The following BNC2 variants were observed in gnomAD, a reference collection of about 807,000 sequenced individuals.
BNC2 encodes basonuclin zinc finger protein 2.
A neutral mutation model predicts 76.3 loss-of-function variants in BNC2; 20 were observed. That is an observed-to-expected ratio of 0.26 (90% CI 0.18 to 0.38). BNC2 has a LOEUF of 0.38. BNC2 is among the 10% of genes least tolerant of loss of function. The pLI is 1.00. For synonymous variants in BNC2, 582 were observed against 514.8 expected, an observed-to-expected ratio of 1.13 and a Z score of -1.77; for missense variants, 1,382 against 1,399.8, an observed-to-expected ratio of 0.99 and a Z score of 0.20.
intron 3 of BNC2, among the ~76,000 whole-genome samples, chr9:16,612,579 C>G (rs1236213575): frequency 6.6e-6 from 1 of 152,146 alleles, no homozygotes; most frequent in African/African-American, 2.4e-5. Context: ...AAATATTTAT[C>G]AAATACCTAC....
chr9:16,508,567 C>T (rs148507944), intron 5 of BNC2, among the ~76,000 whole-genome samples: 1 of 152,314 alleles, frequency 6.6e-6, no homozygotes, highest in East Asian at 1.9e-4. Context: ...AATTTCTTCA[C>T]ACCTGAATTT....
intron 3 of BNC2, among the ~76,000 whole-genome samples, chr9:16,705,802 A>G (rs1291541995): frequency 6.6e-6 from 1 of 152,242 alleles, no homozygotes; most frequent in Non-Finnish European, 1.5e-5. Context: ...TTTAAGTGAC[A>G]TTCAATTTAG....
intron 1 of BNC2, among the ~76,000 whole-genome samples, chr9:16,825,043 T>TG (rs1818420795): frequency 3.9e-4 from 25 of 64,782 alleles, no homozygotes; most frequent in African/African-American, 1.1e-3. Context: ...TTCTTACCCC[T>TG]CTTTTTTTTT....
At chr9:16,656,402 G>A (rs754414675) in intron 3 of BNC2, among the ~76,000 whole-genome samples, 6 of 152,072 alleles carry the variant, frequency 3.9e-5, no homozygotes, top group Non-Finnish European at 8.8e-5. Flanking sequence ...TTCGGGGGTG[G>A]GGAGAGACAG....
chr9:16,788,352 G>A (rs924436080), intron 1 of BNC2, among the ~76,000 whole-genome samples: 1 of 151,636 alleles, frequency 6.6e-6, no homozygotes, highest in African/African-American at 2.4e-5. Context: ...AGGAGATCGA[G>A]ACCATCCTGG....
At chr9:16,726,002 G>GCACA (rs3083820) in intron 3 of BNC2, among the ~76,000 whole-genome samples, 30 of 151,256 alleles carry the variant, frequency 2.0e-4, no homozygotes, top group Middle Eastern at 3.4e-3. Flanking sequence ...ACACACACAC[G>GCACA]CACACACACA....
At chr9:16,768,628 A>G (rs866117536) in intron 1 of BNC2, among the ~76,000 whole-genome samples, 1 of 152,138 alleles carries the variant, frequency 6.6e-6, no homozygotes, top group Non-Finnish European at 1.5e-5. Flanking sequence ...GTGGAATCCA[A>G]CCTAACTCAG....
At chr9:16,474,466 T>C (rs777463917) in intron 5 of BNC2, among the ~76,000 whole-genome samples, 2 of 152,162 alleles carry the variant, frequency 1.3e-5, no homozygotes, top group South Asian at 2.1e-4. Context: ...CTTTCTTTTG[T>C]TTTGTAATTG....
At chr9:16,561,623 G>C (rs1819018937) in intron 4 of BNC2, among the ~76,000 whole-genome samples, 1 of 152,104 alleles carries the variant, frequency 6.6e-6, no homozygotes, top group Non-Finnish European at 1.5e-5. Context: ...AATAAAGGTA[G>C]ATACTTGGCT....
intron 3 of BNC2, among the ~76,000 whole-genome samples, chr9:16,593,500 T>C (rs1440631983): frequency 1.3e-5 from 2 of 151,974 alleles, no homozygotes; most frequent in South Asian, 2.1e-4. Flanking sequence ...CATGCTTCTA[T>C]GGCATCAAAG....
At chr9:16,754,736 T>C (rs1825330281) in intron 1 of BNC2, among the ~76,000 whole-genome samples, 1 of 152,064 alleles carries the variant, frequency 6.6e-6, no homozygotes, top group Non-Finnish European at 1.5e-5. Context: ...ATTTGTAATT[T>C]CAGTAGAGAT....
intron 3 of BNC2, among the ~76,000 whole-genome samples, chr9:16,625,512 G>A (rs1477840480): frequency 2.0e-5 from 3 of 152,144 alleles, no homozygotes; most frequent in Non-Finnish European, 2.9e-5. Flanking sequence ...GAGAACGGGG[G>A]AAATAAGGAA....
chr9:16,573,221 C>CAAA (rs5896694), intron 4 of BNC2, among the ~76,000 whole-genome samples: 1 of 96,560 alleles, frequency 1.0e-5, no homozygotes, highest in African/African-American at 4.2e-5. Context: ...GACCCTGTCT[C>CAAA]AAAAAAAAAA....
chr9:16,595,752 A>G (rs1820048722), intron 3 of BNC2, among the ~76,000 whole-genome samples: 2 of 152,120 alleles, frequency 1.3e-5, no homozygotes, highest in Admixed American at 1.3e-4. Flanking sequence ...ACAGACATAA[A>G]GAGAAAGACA....
intron 1 of BNC2, among the ~76,000 whole-genome samples, chr9:16,815,305 C>G (rs1047497244): frequency 6.6e-6 from 1 of 152,110 alleles, no homozygotes; most frequent in Admixed American, 6.5e-5. Context: ...AAAACTCAAA[C>G]GCTGTGCAAA....
intron 3 of BNC2, among the ~76,000 whole-genome samples, chr9:16,648,272 C>T (rs1472163052): frequency 1.3e-5 from 2 of 152,202 alleles, no homozygotes; most frequent in Non-Finnish European, 2.9e-5. Flanking sequence ...TACTGCCATA[C>T]ACTTGGCTGT....
chr9:16,755,963 T>C (rs1454142841), intron 1 of BNC2, among the ~76,000 whole-genome samples: 2 of 152,204 alleles, frequency 1.3e-5, no homozygotes, highest in Non-Finnish European at 2.9e-5. Flanking sequence ...GTCTCCAGTT[T>C]TTACAATGTA....
intron 1 of BNC2, among the ~76,000 whole-genome samples, chr9:16,851,497 C>A (rs1401318232): frequency 6.6e-6 from 1 of 152,100 alleles, no homozygotes; most frequent in African/African-American, 2.4e-5. Flanking sequence ...CAGGGTGAGA[C>A]CCTGTCTCAA....
intron 6 of BNC2, chr9:16,435,011 A>G (rs897469660): frequency 2.1e-6 from 1 of 471,282 alleles, no homozygotes; most frequent in African/African-American, 2.0e-5. Flanking sequence ...TCATGTAAGG[A>G]ATGATAACAT....
Sources: gnomAD v4.1 joint callset for allele counts (sites outside exome capture counted in the v4.1 genomes callset) on GRCh38, gnomAD v4.1.1 for gene constraint, MANE v1.5 for transcripts, NCBI Gene and HGNC (gene_info 2026-07-23, HGNC 2026-07-21) for gene names.